Variants in DOCK10 observed in about 807,000 individuals in gnomAD.
The protein encoded by DOCK10 is dedicator of cytokinesis protein 10.
DOCK10 carries 145 observed loss-of-function variants against 280.1 expected under a neutral mutation model. The observed-to-expected ratio is 0.52, with a 90% CI of 0.45 to 0.59. The LOEUF is 0.59. Ranked by LOEUF, DOCK10 falls within the 20% of genes least tolerant of loss-of-function variation. The probability of loss-of-function intolerance (pLI) is 0.00; values close to 1 mark genes in which losing one functional copy is unlikely to be tolerated. For missense variants in DOCK10, 2,368 were observed against 2,651.7 expected, an observed-to-expected ratio of 0.89 and a Z score of 2.35; for synonymous variants, 915 against 942.2, an observed-to-expected ratio of 0.97 and a Z score of 0.53.
chr2:224,787,388 C>T lies in DOCK10; in HGVS notation c.5428G>A (p.Val1810Met). Residue 1810 changes from valine to methionine, a missense_variant, in exon 49 of 56, where the codon GTG (valine) becomes ATG (methionine). Physicochemically the swap from Val to Met is conservative, Grantham distance 21. Around this residue, in one of 2 missense-constraint regions of DOCK10, gnomAD observed 1,159 missense variants for 1,400.8 expected, o/e 0.83. Coordinates refer to ENST00000258390, the MANE Select transcript of DOCK10 (RefSeq NM_014689.3). ...TCCACACACATGTATAGCTGCTCCACCAGGATATTCTGCAATTCCCCCAAT... is the reference window on the plus strand; with the variant it reads ...TCCACACACATGTATAGCTGCTCCATCAGGATATTCTGCAATTCCCCCAAT... ...QDTPYNENIL[V>M]EQLYMCVEFL... 6.2e-7 allele frequency: 1 copy of T among 1,613,838 alleles called. No homozygotes were observed. The highest frequency in any genetic ancestry group is 1.3e-5 in the African/African-American group (1 of 75,042).
At chr2:224,843,841 C>T (rs879518093) in intron 22 of DOCK10, among the ~76,000 whole-genome samples, 7 of 152,286 alleles carry the variant, frequency 4.6e-5, no homozygotes, top group Admixed American at 1.3e-4. Flanking sequence ...TATAGACTTT[C>T]GCACTTCATG....
intron 29 of DOCK10, among the ~76,000 whole-genome samples, chr2:224,818,550 A>T (rs913471941): frequency 1.3e-5 from 2 of 151,978 alleles, no homozygotes; most frequent in Non-Finnish European, 2.9e-5. Context: ...GGTGCCCGCA[A>T]CCACGCCCGG....
chr2:224,767,186 C>T (rs1690121766), intron 55 of DOCK10, among the ~76,000 whole-genome samples: 2 of 151,536 alleles, frequency 1.3e-5, no homozygotes, highest in African/African-American at 4.9e-5. Flanking sequence ...TTTTTTTAGA[C>T]GGAATCTCAC....
At chr2:224,773,368 G>T in intron 52 of DOCK10, 21 bp from the exon 53 acceptor site, 1 of 1,590,922 alleles carries the variant, frequency 6.3e-7, no homozygotes. Flanking sequence ...GCCATACAAA[G>T]GGATTTCAAG....
chr2:224,942,552 C>G (rs1048495485), intron 1 of DOCK10, among the ~76,000 whole-genome samples: 1 of 152,164 alleles, frequency 6.6e-6, no homozygotes, highest in Non-Finnish European at 1.5e-5. Flanking sequence ...AAGCAACGCC[C>G]TATGAATGGT....
chr2:224,938,346 CTATT>C (rs985391099), intron 1 of DOCK10, among the ~76,000 whole-genome samples: 30 of 152,038 alleles, frequency 2.0e-4, no homozygotes, highest in African/African-American at 7.2e-4. Context: ...GTTTTCAAAA[CTATT>C]CATCCTAGTT....
chr2:224,949,228 C>T (rs1703596785), intron 1 of DOCK10, among the ~76,000 whole-genome samples: 1 of 152,196 alleles, frequency 6.6e-6, no homozygotes, highest in Admixed American at 6.5e-5. Flanking sequence ...AGACACTCCA[C>T]ACCATTCCAA....
At chr2:224,852,554 C>A in intron 17 of DOCK10, 112 bp from the exon 18 acceptor site, 1 of 786,630 alleles carries the variant, frequency 1.3e-6, no homozygotes, top group Non-Finnish European at 2.1e-6. Flanking sequence ...GTAAAATACC[C>A]AACATTTTCT....
In DOCK10 at chr2:225,042,362, G is replaced by T; in HGVS notation, c.13C>A (p.Arg5=). Residue 5 remains arginine (R), a synonymous_variant, in exon 1 of 56, where the codon CGG becomes AGG. Transcript: ENST00000258390. This position sits in a 1 kb window ranked among gnomAD's most constrained non-coding sequence, Gnocchi z 5.1. ...AGGCTCCGGGTGAACCTGCGGGTCC[G>T]CTCACCGGCCATCGCCGGTCACGCC... MAGE[R]TRRFTRSLLR... is the part of the protein sequence containing the mutation. 1 of 1,274,064 alleles carries T rather than the reference G, an allele frequency of 7.8e-7. No homozygotes were observed. The highest frequency in any genetic ancestry group is 9.9e-7 in the Non-Finnish European group (1 of 1,008,324). The allele number at this position is 1,274,064 out of a possible 1,614,324, so 78.9% of individuals were successfully genotyped here.
In DOCK10 at chr2:224,957,060, A is replaced by G. The variant is rs1236942937; in HGVS notation, c.124-25392T>C. Among the ~76,000 whole-genome samples the G allele has an allele frequency of 2.6e-5, 4 of 152,052 alleles. No homozygotes were observed. The East Asian group carries it at 7.7e-4, about 29-fold the overall frequency. The stretch of plus-strand genomic sequence containing the variant: ...CACTATTGACATCTTGGATCTGATC[A>G]TTTGTTGTTTGTGTGTGGGGGTGTC... On this transcript the variant is annotated intron_variant, in intron 1 of 55. Transcript: ENST00000258390.
intron 50 of DOCK10, among the ~76,000 whole-genome samples, chr2:224,785,952 T>C (rs965029125): frequency 1.3e-4 from 19 of 151,976 alleles, no homozygotes; most frequent in African/African-American, 4.4e-4. Flanking sequence ...ATCCCAGCAT[T>C]TTGGAAGACT....
chr2:224,873,890 A>G, intron 11 of DOCK10, 106 bp downstream of exon 11: 3 of 1,173,840 alleles, frequency 2.6e-6, no homozygotes, highest in Non-Finnish European at 3.6e-6. Flanking sequence ...GGTACACTAG[A>G]GAGTGAGAAA....
rs150829130 is a variant in DOCK10, at chr2:224,848,156, C to T, written c.2235+1351G>A. Among the ~76,000 whole-genome samples, 309 of 152,302 alleles carry T rather than the reference C, an allele frequency of 2.0e-3. 2 individuals are homozygous for T. Among genetic ancestry groups the T allele is most frequent in the African/African-American group, 6.5e-3 (269 of 41,558 alleles). Reference sequence around the variant, plus strand: ...CCTAGAACCTCCTGAAGGTTCGTCACCCTGCTGCAAGCTCGATTTTAGCCC... The same window carrying T: ...CCTAGAACCTCCTGAAGGTTCGTCATCCTGCTGCAAGCTCGATTTTAGCCC... On this transcript the variant is annotated intron_variant, in intron 19 of 55. Transcript: ENST00000258390.
At position 224,946,984 on chromosome 2, in the gene DOCK10, C is replaced by T. The variant is rs370028660; in HGVS notation, c.124-15316G>A. On this transcript the variant is annotated intron_variant, in intron 1 of 55. Coordinates refer to ENST00000258390, the MANE Select transcript of DOCK10 (RefSeq NM_014689.3). ...CTATAATTTGAGTCACAAAATATTT[C>T]AAAATATCAATGTCGTTAAACTCTT... 143 of 1,527,546 alleles carry T rather than the reference C, an allele frequency of 9.4e-5. 2 individuals are homozygous for T. In the South Asian group the frequency reaches 1.7e-3, roughly 18 times the overall value. 94.6% of individuals were successfully genotyped at this position (1,527,546 alleles called of 1,614,324 possible).
intron 7 of DOCK10, among the ~76,000 whole-genome samples, chr2:224,883,136 AG>A (rs1388083198): frequency 6.6e-6 from 1 of 152,358 alleles, no homozygotes; most frequent in East Asian, 1.9e-4. Context: ...TTTTCTGTAC[AG>A]ACTTACAGCC....
At chr2:224,793,813 T>C (rs1393204234) in intron 45 of DOCK10, among the ~76,000 whole-genome samples, 5 of 152,196 alleles carry the variant, frequency 3.3e-5, no homozygotes, top group Non-Finnish European at 7.3e-5. Context: ...AGATATAAAG[T>C]GGAAATAAAA....
intron 31 of DOCK10, among the ~76,000 whole-genome samples, chr2:224,809,174 A>G (rs1260834191): frequency 1.3e-5 from 2 of 152,186 alleles, no homozygotes; most frequent in Admixed American, 6.6e-5. Flanking sequence ...AATTTCCAGT[A>G]ATAATGGATT....
intron 1 of DOCK10, chr2:224,982,561 A>C: frequency 1.7e-6 from 2 of 1,201,578 alleles, no homozygotes; most frequent in Non-Finnish European, 2.1e-6. Context: ...GATCCACGGA[A>C]ACTGAACACA....
intron 39 of DOCK10, among the ~76,000 whole-genome samples, chr2:224,802,321 AAAT>A (rs1378382912): frequency 2.0e-5 from 3 of 152,170 alleles, no homozygotes; most frequent in African/African-American, 7.2e-5. Flanking sequence ...ATTATTTATG[AAAT>A]AATGGGATTC....
Sources: gnomAD v4.1 joint callset for allele counts (sites outside exome capture counted in the v4.1 genomes callset) on GRCh38, gnomAD v4.1.1 for gene constraint, gnomAD v4.1.1 regional missense constraint, Gnocchi (gnomAD v3.1) non-coding constraint, MANE v1.5 for transcripts, NCBI Gene and HGNC (gene_info 2026-07-23, HGNC 2026-07-21) for gene names.